IKZF3: variants seen among roughly 807,000 people sequenced by gnomAD.
IKZF3 encodes IKAROS family zinc finger 3.
Under a neutral mutation model 49.0 loss-of-function variants are expected in IKZF3, and 10 were observed. That is an observed-to-expected ratio of 0.20 (90% CI 0.13 to 0.35). The LOEUF (loss-of-function observed/expected upper bound fraction) is 0.35, where lower values mean the gene tolerates loss of function less well. Among genes scored for constraint, IKZF3 ranks in the 10% least tolerant of loss-of-function variants. IKZF3 has a pLI of 1.00. For synonymous variants in IKZF3, 209 were observed against 228.2 expected, an observed-to-expected ratio of 0.92 and a Z score of 0.76; for missense variants, 498 against 664.8, an observed-to-expected ratio of 0.75 and a Z score of 2.76.
chr17:39,764,060 G>C lies in IKZF3; in HGVS notation c.*1730C>G. On this transcript the variant is annotated 3_prime_UTR_variant, in exon 8 of 8. Coordinates refer to ENST00000346872, the MANE Select transcript of IKZF3 (RefSeq NM_012481.5). ...AGTAGAGACAGGGTTTCACCATGTG[G>C]GTCAGGCTGGTCTCGAACTCCTGAC... The C allele has an allele frequency of 6.6e-6, 1 of 152,156 alleles. No homozygotes were observed. Among genetic ancestry groups the C allele is most frequent in the East Asian group, 1.9e-4 (1 of 5,162 alleles). The allele number at this position is 152,156 out of a possible 1,614,324, so 9.4% of individuals were successfully genotyped here.
At position 39,766,092 on chromosome 17, in the gene IKZF3, G is replaced by A. The variant is rs1373294237; in HGVS notation, c.1228C>T (p.Arg410Trp). The change falls in exon 8 of 8, where the codon CGG becomes TGG. Residue 410 changes from arginine to tryptophan, a missense_variant. By Grantham distance (101) the Arg-to-Trp change is moderately radical. Around this residue, in one of 3 missense-constraint regions of IKZF3, gnomAD observed 317 missense variants for 397.3 expected, o/e 0.80. Coordinates refer to ENST00000346872, the MANE Select transcript of IKZF3 (RefSeq NM_012481.5). ...AGAAGTGGCATCCCATTGCGGGCCC[G>A]AGACAGGACCATGTGATTTTGCTGA... The part of the protein sequence containing the change: ...IYQQNHMVLS[R>W]ARNGMPLLKE... 9 of 1,614,032 alleles carry A rather than the reference G, an allele frequency of 5.6e-6. 1 individual carries two copies. The highest frequency in any genetic ancestry group is 3.3e-5 in the South Asian group (3 of 91,090).
intron 1 of IKZF3, among the ~76,000 whole-genome samples, chr17:39,834,036 C>A (rs193147543): frequency 1.8e-4 from 27 of 152,324 alleles, no homozygotes; most frequent in African/African-American, 6.3e-4. Context: ...GTTTCTCAGA[C>A]TTTCCTTGTT....
chr17:39,823,547 C>A (rs2061868162), intron 3 of IKZF3, among the ~76,000 whole-genome samples: 1 of 152,178 alleles, frequency 6.6e-6, no homozygotes, highest in Non-Finnish European at 1.5e-5. Context: ...GAGACCTTCA[C>A]AGCGGCCCCT....
At chr17:39,788,913 A>C (rs1049122434) in intron 5 of IKZF3, among the ~76,000 whole-genome samples, 2 of 152,132 alleles carry the variant, frequency 1.3e-5, no homozygotes, top group Non-Finnish European at 2.9e-5. Context: ...AAACAATAAA[A>C]ACTGAGCTAA....
At chr17:39,827,105 C>T (rs1327396331) in intron 3 of IKZF3, among the ~76,000 whole-genome samples, 10 of 152,084 alleles carry the variant, frequency 6.6e-5, no homozygotes, top group Non-Finnish European at 7.4e-5. Context: ...CCAAGCAATT[C>T]TCCTGCCTCA....
At position 39,766,212 on chromosome 17, in the gene IKZF3, T is replaced by C. The variant is rs1196257202; in HGVS notation, c.1108A>G (p.Ser370Gly). The stretch of plus-strand genomic sequence containing the variant: ...GAGAGGCCTCTCTCAGAAGGCACGC[T>C]CTTCTCTGGAAGGTGGATGCTTTTC... ...EKKSIHLPEK[S>G]VPSERGLSPN... Residue 370 changes from serine to glycine, a missense_variant, in exon 8 of 8, where the codon AGC (serine) becomes GGC (glycine). Coordinates refer to ENST00000346872, the MANE Select transcript of IKZF3 (RefSeq NM_012481.5). The C allele has an allele frequency of 6.2e-7, 1 of 1,614,170 alleles. No homozygotes were observed. Among genetic ancestry groups the C allele is most frequent in the South Asian group, 1.1e-5 (1 of 91,086 alleles).
At chr17:39,819,193 T>G (rs1047161144) in intron 3 of IKZF3, among the ~76,000 whole-genome samples, 2 of 151,776 alleles carry the variant, frequency 1.3e-5, no homozygotes, top group African/African-American at 2.4e-5. Context: ...ATTTAATCTG[T>G]TTTTTTTACC....
intron 7 of IKZF3, among the ~76,000 whole-genome samples, chr17:39,775,124 A>C (rs2060545411): frequency 6.6e-6 from 1 of 152,170 alleles, no homozygotes; most frequent in East Asian, 1.9e-4. Context: ...ACAGTTAAGA[A>C]ATGACAGAGC....
At chr17:39,830,034 A>G (rs1259561862) in intron 2 of IKZF3, among the ~76,000 whole-genome samples, 1 of 152,200 alleles carries the variant, frequency 6.6e-6, no homozygotes, top group Non-Finnish European at 1.5e-5. Flanking sequence ...TATTTCTTTC[A>G]TCTGAGTTAA....
intron 3 of IKZF3, among the ~76,000 whole-genome samples, chr17:39,818,127 G>C (rs2061719319): frequency 6.6e-6 from 1 of 152,100 alleles, no homozygotes; most frequent in African/African-American, 2.4e-5. Context: ...ACTGAATACT[G>C]TAGGCAACTG....
rs1173986697 is a variant in IKZF3, at chr17:39,763,528, CATGTGCCA to C, written c.*2254_*2261del. 1.3e-5 allele frequency: 2 copies of C among 152,200 alleles called. No homozygotes were observed. The highest frequency in any genetic ancestry group is 2.9e-5 in the Non-Finnish European group (2 of 68,032). 9.4% of individuals were successfully genotyped at this position (152,200 alleles called of 1,614,324 possible). A position where few individuals can be genotyped will look rare whatever the true frequency, so the allele number is the denominator to read the frequency against. On this transcript the variant is annotated 3_prime_UTR_variant, in exon 8 of 8. Transcript: ENST00000346872. ...AAAAGAAGGCTTTGGCAAACAGCTG[CATGTGCCA>C]ATTTGTGTGTATGCTTTGTGGCAAG...
intron 1 of IKZF3, among the ~76,000 whole-genome samples, chr17:39,833,424 AC>A: frequency 6.6e-6 from 1 of 152,126 alleles, no homozygotes; most frequent in South Asian, 2.1e-4. Flanking sequence ...ATTCCCACCC[AC>A]ATACTCCAGA....
At chr17:39,835,091 G>A in intron 1 of IKZF3, 1 of 438,148 alleles carries the variant, frequency 2.3e-6, no homozygotes, top group Non-Finnish European at 4.5e-6. Context: ...AGCCAAAGCT[G>A]GATCCCAAGC....
chr17:39,836,129 G>T, intron 1 of IKZF3: 1 of 656,082 alleles, frequency 1.5e-6, no homozygotes, highest in South Asian at 1.6e-5. Flanking sequence ...TCCTTCTCCT[G>T]AGTGCACACG....
At chr17:39,820,446 G>T (rs1408476753) in intron 3 of IKZF3, among the ~76,000 whole-genome samples, 1 of 152,150 alleles carries the variant, frequency 6.6e-6, no homozygotes, top group Non-Finnish European at 1.5e-5. Flanking sequence ...ACTATCTTTG[G>T]GTGGTAGGAT....
chr17:39,791,381 T>A, intron 5 of IKZF3, 35 bp downstream of exon 5: 1 of 1,608,670 alleles, frequency 6.2e-7, no homozygotes, highest in Non-Finnish European at 8.5e-7. Flanking sequence ...AGGAATGCAC[T>A]TCCTAGACAA....
In IKZF3 at chr17:39,766,491, C is replaced by T. The variant is rs147745873; in HGVS notation, c.829G>A (p.Glu277Lys). Residue 277 changes from glutamate (E) to lysine (K), a missense_variant and splice_region_variant, in exon 8 of 8, where the codon GAG becomes AAG. Glu to Lys is a moderately conservative substitution (Grantham distance 56). This residue lies in a region of IKZF3 where 317 missense variants were observed against 397.3 expected (regional missense o/e 0.80). Coordinates refer to ENST00000346872, the MANE Select transcript of IKZF3 (RefSeq NM_012481.5). ...KSSMPQKFIG[E>K]KRHCFDVNYN... ...TTGACATCAAAGCAGTGGCGCTTCTCACCTGGAACAAGTGACAGAAAGGGT... is the reference window on the plus strand; with the variant it reads ...TTGACATCAAAGCAGTGGCGCTTCTTACCTGGAACAAGTGACAGAAAGGGT... The T allele has an allele frequency of 9.6e-5, 154 of 1,604,296 alleles. No homozygotes were observed. The Middle Eastern group carries it at 1.2e-3, about 13-fold the overall frequency.
Position 39,763,784 on chromosome 17 carries a change from G to A in IKZF3, c.*2006C>T, listed in dbSNP as rs1024705436. 5.9e-5 allele frequency: 9 copies of A among 152,174 alleles called. No homozygotes were observed. The highest frequency in any genetic ancestry group is 4.6e-4 in the Admixed American group (7 of 15,280). 9.4% of individuals were successfully genotyped at this position (152,174 alleles called of 1,614,324 possible). ...TGAATTAAAGCTAGAAGGGACCTAA[G>A]AGAACATTGAAATCTAATTCCTATT... On this transcript the variant is annotated 3_prime_UTR_variant, in exon 8 of 8. Coordinates refer to ENST00000346872, the MANE Select transcript of IKZF3 (RefSeq NM_012481.5).
intron 3 of IKZF3, among the ~76,000 whole-genome samples, chr17:39,824,566 C>T (rs965687478): frequency 6.6e-6 from 1 of 152,118 alleles, no homozygotes; most frequent in African/African-American, 2.4e-5. Flanking sequence ...TGAATTGTAA[C>T]CCCCATTATC....
Sources: gnomAD v4.1 joint callset for allele counts (sites outside exome capture counted in the v4.1 genomes callset) on GRCh38, gnomAD v4.1.1 for gene constraint, gnomAD v4.1.1 regional missense constraint, MANE v1.5 for transcripts, NCBI Gene and HGNC (gene_info 2026-07-23, HGNC 2026-07-21) for gene names.